NBEAL1: variants seen among roughly 807,000 people sequenced by gnomAD.
NBEAL1 encodes neurobeachin-like protein 1.
In NBEAL1, 273 loss-of-function variants were observed where a neutral mutation model predicts 351.3. The observed-to-expected ratio is 0.78, with a 90% CI of 0.70 to 0.86. The LOEUF is 0.86. NBEAL1 is among the 40% of genes least tolerant of loss of function. The pLI, the probability that NBEAL1 is intolerant of heterozygous loss-of-function variation, is 0.00. For missense variants in NBEAL1, 2,961 were observed against 3,201.3 expected (o/e 0.92, Z 1.81); for synonymous variants, 1,050 against 1,086.4 (o/e 0.97, Z 0.66).
intron 18 of NBEAL1, among the ~76,000 whole-genome samples, chr2:203,121,177 A>C (rs2062821844): frequency 6.6e-6 from 1 of 151,954 alleles, no homozygotes; most frequent in Non-Finnish European, 1.5e-5. Context: ...TTATGCCTGT[A>C]ATTGTATTTT....
chr2:203,181,702 A>G (rs1191214621), intron 43 of NBEAL1: 1 of 152,186 alleles, frequency 6.6e-6, no homozygotes, highest in African/African-American at 2.4e-5. Context: ...ACTGTGGAGA[A>G]TATATCCAGG....
At chr2:203,179,326 G>A (rs62182250) in intron 42 of NBEAL1, among the ~76,000 whole-genome samples, 66,021 of 151,936 alleles carry the variant, frequency 0.43, 16,727 homozygotes, top group Middle Eastern at 0.67. Context: ...AAATTAAGCC[G>A]GGAGCAGTGG....
chr2:203,016,874 C>G (rs928570392), intron 2 of NBEAL1, among the ~76,000 whole-genome samples: 1 of 152,178 alleles, frequency 6.6e-6, no homozygotes, highest in African/African-American at 2.4e-5. Flanking sequence ...TGCTGTGTGA[C>G]TGCCACTAAG....
Position 203,223,773 on chromosome 2 carries a change from A to C in NBEAL1, c.*6419A>C, listed in dbSNP as rs2065980547. Among the ~76,000 whole-genome samples, 1 of 152,074 alleles carries C rather than the reference A, an allele frequency of 6.6e-6. No individual in the cohort carries two copies. Among genetic ancestry groups the C allele is most frequent in the Non-Finnish European group, 1.5e-5 (1 of 67,922 alleles). On this transcript the variant is annotated 3_prime_UTR_variant, in exon 56 of 56. Coordinates refer to ENST00000683969, the MANE Select transcript of NBEAL1 (RefSeq NM_001378026.1). ...TCTTTTGGTAACATATTCTGACACT[A>C]AGCAACATGTTTTACAATTTAGTGG...
In NBEAL1 at chr2:203,213,969, T is replaced by C. The variant is rs192561078; in HGVS notation, c.8070+316T>C. Among the ~76,000 whole-genome samples the C allele has an allele frequency of 2.6e-5, 4 of 152,314 alleles. No homozygotes were observed. The East Asian group carries it at 5.8e-4, about 22-fold the overall frequency. ...AGAGCCTTTGCAAAAGAATAAAATATAGGCTCAAACAATAAAACTACTTTA... is the reference window on the plus strand; with the variant it reads ...AGAGCCTTTGCAAAAGAATAAAATACAGGCTCAAACAATAAAACTACTTTA... On this transcript the variant is annotated intron_variant, in intron 55 of 55. Coordinates refer to ENST00000683969, the MANE Select transcript of NBEAL1 (RefSeq NM_001378026.1).
intron 27 of NBEAL1, among the ~76,000 whole-genome samples, chr2:203,135,022 A>C (rs1461460408): frequency 6.6e-6 from 1 of 152,054 alleles, no homozygotes; most frequent in African/African-American, 2.4e-5. Context: ...CTAAAAATAC[A>C]AAAATTAGCC....
chr2:203,148,765 G>T (rs941197361), intron 33 of NBEAL1, among the ~76,000 whole-genome samples: 5 of 147,082 alleles, frequency 3.4e-5, no homozygotes, highest in Admixed American at 6.8e-5. Context: ...TTGTTGGTTG[G>T]TTTTTTTTTT....
At chr2:203,134,772 G>T (rs2063159738) in intron 27 of NBEAL1, among the ~76,000 whole-genome samples, 2 of 152,114 alleles carry the variant, frequency 1.3e-5, no homozygotes, top group Non-Finnish European at 2.9e-5. Context: ...CTAAGCAGTG[G>T]CATCCATCTT....
At chr2:203,155,603 A>G (rs1038023708) in intron 35 of NBEAL1, among the ~76,000 whole-genome samples, 4 of 151,832 alleles carry the variant, frequency 2.6e-5, no homozygotes, top group Non-Finnish European at 5.9e-5. Flanking sequence ...ACACCCAGCT[A>G]ATTTTTTAAT....
intron 6 of NBEAL1, among the ~76,000 whole-genome samples, chr2:203,058,468 G>T (rs2061442739): frequency 6.6e-6 from 1 of 152,206 alleles, no homozygotes; most frequent in Non-Finnish European, 1.5e-5. Flanking sequence ...AAAGGGAAGA[G>T]AATGGAGTTA....
At chr2:203,145,474 G>A (rs1184836502) in intron 33 of NBEAL1, among the ~76,000 whole-genome samples, 1 of 152,088 alleles carries the variant, frequency 6.6e-6, no homozygotes, top group African/African-American at 2.4e-5. Context: ...AAAAGAAAAA[G>A]GCATCAAATT....
intron 4 of NBEAL1, among the ~76,000 whole-genome samples, chr2:203,051,471 G>C (rs1225710564): frequency 1.3e-5 from 2 of 151,782 alleles, no homozygotes; most frequent in African/African-American, 4.8e-5. Flanking sequence ...GCTTGAACCT[G>C]GGAGGCGGAG....
chr2:203,040,429 G>A, intron 2 of NBEAL1: 1 of 718,920 alleles, frequency 1.4e-6, no homozygotes, highest in Admixed American at 1.8e-5. Context: ...GAGAACCGTT[G>A]TAAGACTTCG....
At chr2:203,090,147 G>T (rs938097187) in intron 10 of NBEAL1, among the ~76,000 whole-genome samples, 4 of 151,968 alleles carry the variant, frequency 2.6e-5, no homozygotes, top group Non-Finnish European at 5.9e-5. Flanking sequence ...TGAATGTTTG[G>T]CTGTAATTAT....
At chr2:203,099,588 G>A (rs953547535) in intron 11 of NBEAL1, 41 bp from the exon 12 acceptor site, 11 of 1,316,126 alleles carry the variant, frequency 8.4e-6, no homozygotes, top group Non-Finnish European at 1.2e-5. Flanking sequence ...AAAATCGTGA[G>A]CACATTTGTT....
At chr2:203,041,908 A>G in intron 3 of NBEAL1, 52 bp downstream of exon 3, 1 of 1,220,038 alleles carries the variant, frequency 8.2e-7, no homozygotes, top group Non-Finnish European at 1.2e-6. Context: ...CATTTTTGGC[A>G]CAAAGATTTC....
chr2:203,175,325 T>C (rs997423722), intron 42 of NBEAL1, 38 bp downstream of exon 42: 2 of 1,606,388 alleles, frequency 1.2e-6, no homozygotes, highest in Non-Finnish European at 1.7e-6. Flanking sequence ...TTTATGACTA[T>C]GTTAGTGTTG....
At position 203,148,980 on chromosome 2, in the gene NBEAL1, G is replaced by A; in HGVS notation, c.5305-11G>A. The A allele has an allele frequency of 6.3e-7, 1 of 1,597,704 alleles. No individual in the cohort carries two copies. Among genetic ancestry groups the A allele is most frequent in the Non-Finnish European group, 8.5e-7 (1 of 1,172,118 alleles). On this transcript the variant is annotated splice_polypyrimidine_tract_variant and intron_variant, in intron 33 of 55. Coordinates refer to ENST00000683969, the MANE Select transcript of NBEAL1 (RefSeq NM_001378026.1). ...TGAGTCAATGACCTTACTTTTTATTGTTTCTTTCAGGAGCTGTTTGTGGAG... is the reference window on the plus strand; with the variant it reads ...TGAGTCAATGACCTTACTTTTTATTATTTCTTTCAGGAGCTGTTTGTGGAG...
In NBEAL1 at chr2:203,217,947, A is replaced by G; in HGVS notation, c.*593A>G. 1.1e-6 allele frequency: 1 copy of G among 944,852 alleles called. No individual in the cohort carries two copies. Among genetic ancestry groups the G allele is most frequent in the South Asian group, 4.9e-5 (1 of 20,402 alleles). The allele number at this position is 944,852 out of a possible 1,614,324, so 58.5% of individuals were successfully genotyped here. On this transcript the variant is annotated 3_prime_UTR_variant, in exon 56 of 56. Transcript: ENST00000683969. ...GTGTTTCTAATGAGAAGTTACTGAAATCTATTACTGTCCTTAATAAAAATT... is the reference window on the plus strand; with the variant it reads ...GTGTTTCTAATGAGAAGTTACTGAAGTCTATTACTGTCCTTAATAAAAATT...
Sources: allele counts gnomAD v4.1 joint callset (sites outside exome capture counted in the v4.1 genomes callset), GRCh38; gene constraint gnomAD v4.1.1; transcripts MANE v1.5; gene names NCBI Gene and HGNC (gene_info 2026-07-23, HGNC 2026-07-21).